CDIN1: variants seen among roughly 807,000 people sequenced by gnomAD.
CDIN1 encodes CDAN1 interacting nuclease 1.
In CDIN1, 33 loss-of-function variants were observed where a neutral mutation model predicts 45.3. The ratio of observed to expected loss-of-function variants is 0.73; its 90% CI spans 0.55 to 0.97. CDIN1 has a LOEUF of 0.97. Ranked by LOEUF, CDIN1 falls within the 50% of genes least tolerant of loss-of-function variation. CDIN1 has a pLI of 0.00. For synonymous variants in CDIN1, 118 were observed against 124.4 expected (o/e 0.95, Z 0.34); for missense variants, 303 against 339.4 (o/e 0.89, Z 0.84).
chr15:36,606,726 G>A (rs970695214), intron 1 of CDIN1, among the ~76,000 whole-genome samples: 1 of 152,080 alleles, frequency 6.6e-6, no homozygotes, highest in East Asian at 1.9e-4. Flanking sequence ...ATTTTAAAAT[G>A]TTTTCTGTTA....
chr15:36,769,115 T>C (rs2054000788), intron 10 of CDIN1, among the ~76,000 whole-genome samples: 2 of 152,218 alleles, frequency 1.3e-5, no homozygotes, highest in Admixed American at 6.5e-5. Context: ...CTAAAATATG[T>C]AGCTAACATT....
intron 7 of CDIN1, among the ~76,000 whole-genome samples, chr15:36,695,812 A>C (rs1595483384): frequency 6.8e-6 from 1 of 147,596 alleles, no homozygotes; most frequent in African/African-American, 2.7e-5. Flanking sequence ...GTGCCACTGC[A>C]CTCCAGCCTG....
At chr15:36,653,035 A>G (rs1454120380) in intron 3 of CDIN1, among the ~76,000 whole-genome samples, 1 of 152,224 alleles carries the variant, frequency 6.6e-6, no homozygotes, top group Non-Finnish European at 1.5e-5. Flanking sequence ...ATAATCACCT[A>G]CTATAAACAA....
chr15:36,617,490 A>G, intron 1 of CDIN1: 1 of 898,616 alleles, frequency 1.1e-6, no homozygotes, highest in South Asian at 1.3e-5. Flanking sequence ...TTTCACGAGA[A>G]AATTTGTCAA....
At chr15:36,679,882 G>A (rs1453946472) in intron 5 of CDIN1, among the ~76,000 whole-genome samples, 1 of 152,180 alleles carries the variant, frequency 6.6e-6, no homozygotes, top group Non-Finnish European at 1.5e-5. Flanking sequence ...CAGCACCCAG[G>A]TGATGCACCC....
intron 10 of CDIN1, chr15:36,799,011 A>T (rs1440243716): frequency 6.6e-6 from 1 of 152,260 alleles, no homozygotes; most frequent in East Asian, 1.9e-4. Flanking sequence ...CATATCAATT[A>T]TAAATTCTCT....
intron 1 of CDIN1, chr15:36,594,879 C>G: frequency 1.0e-6 from 1 of 985,266 alleles, no homozygotes; most frequent in Non-Finnish European, 1.2e-6. Context: ...TCTTTAATAC[C>G]ACCCCATTTC....
intron 10 of CDIN1, among the ~76,000 whole-genome samples, chr15:36,756,312 G>A (rs12591085): frequency 0.24 from 36,317 of 152,158 alleles, 5,144 homozygotes; most frequent in Non-Finnish European, 0.31. Context: ...ATTTCAGTGT[G>A]GAGATTATTT....
At chr15:36,783,496 A>T (rs1245315498) in intron 10 of CDIN1, among the ~76,000 whole-genome samples, 2 of 152,148 alleles carry the variant, frequency 1.3e-5, no homozygotes, top group Non-Finnish European at 2.9e-5. Flanking sequence ...TCTTATTGAT[A>T]CCTTTCGCCC....
chr15:36,798,046 A>T (rs1595613887), intron 10 of CDIN1, among the ~76,000 whole-genome samples: 1 of 150,832 alleles, frequency 6.6e-6, no homozygotes, highest in African/African-American at 2.4e-5. Context: ...AAAAAAAAAA[A>T]ATTATTTTCC....
chr15:36,626,620 T>G (rs2039439403), intron 1 of CDIN1: 1 of 309,456 alleles, frequency 3.2e-6, no homozygotes, highest in African/African-American at 2.2e-5. Context: ...AACTTCCACT[T>G]AAATGCAGTT....
chr15:36,806,823 C>G (rs1348454920), intron 10 of CDIN1, among the ~76,000 whole-genome samples: 1 of 152,192 alleles, frequency 6.6e-6, no homozygotes, highest in East Asian at 1.9e-4. Flanking sequence ...GAAGCAAGTT[C>G]TTCTGCAGGT....
At chr15:36,697,274 C>T (rs1235632520) in intron 7 of CDIN1, 49 bp from the exon 8 acceptor site, 3 of 1,532,684 alleles carry the variant, frequency 2.0e-6, no homozygotes, top group Non-Finnish European at 2.7e-6. Flanking sequence ...TAGCGTTTTC[C>T]TGCTGGTATA....
chr15:36,799,377 A>G (rs2141120083), intron 10 of CDIN1: 1 of 152,292 alleles, frequency 6.6e-6, no homozygotes, highest in South Asian at 2.1e-4. Flanking sequence ...TTTGAAACAG[A>G]ACCACAGCTA....
intron 10 of CDIN1, among the ~76,000 whole-genome samples, chr15:36,711,607 T>C (rs1291967509): frequency 3.9e-5 from 6 of 152,220 alleles, no homozygotes; most frequent in Admixed American, 2.6e-4. Context: ...CTTCTGGTGA[T>C]GTTTTACTTA....
chr15:36,594,818 A>T (rs1049735660), intron 1 of CDIN1: 412 of 733,080 alleles, frequency 5.6e-4, no homozygotes, highest in South Asian at 1.0e-3. Flanking sequence ...GGCACTTAAA[A>T]TTTTTTTTTT....
chr15:36,701,185 T>G (rs1292774858), intron 8 of CDIN1, among the ~76,000 whole-genome samples: 2 of 151,674 alleles, frequency 1.3e-5, no homozygotes, highest in Non-Finnish European at 2.9e-5. Context: ...TATGAGCATT[T>G]AAAGTCTCAA....
intron 8 of CDIN1, chr15:36,707,500 T>C (rs1360065430): frequency 1.3e-5 from 2 of 151,990 alleles, no homozygotes; most frequent in Non-Finnish European, 2.9e-5. Context: ...ATTATGTTAG[T>C]AATTTTGGTG....
intron 5 of CDIN1, among the ~76,000 whole-genome samples, chr15:36,689,230 A>T (rs1486627233): frequency 6.6e-6 from 1 of 152,064 alleles, no homozygotes; most frequent in Non-Finnish European, 1.5e-5. Flanking sequence ...TTTTCTTTTG[A>T]TATTTCCCTT....
Sources: gnomAD v4.1 joint callset for allele counts (sites outside exome capture counted in the v4.1 genomes callset) on GRCh38, gnomAD v4.1.1 for gene constraint, MANE v1.5 for transcripts, NCBI Gene and HGNC (gene_info 2026-07-23, HGNC 2026-07-21) for gene names.